DOCK3: variants seen among roughly 807,000 people sequenced by gnomAD.
DOCK3 encodes the protein dedicator of cytokinesis protein 3.
Under a neutral mutation model 265.6 loss-of-function variants are expected in DOCK3, and 60 were observed. The observed-to-expected ratio is 0.23, with a 90% confidence interval of 0.18 to 0.28. DOCK3 has a LOEUF of 0.28. Ranked by LOEUF, DOCK3 falls within the 10% of genes least tolerant of loss-of-function variation. The probability of loss-of-function intolerance (pLI) is 1.00; values close to 1 mark genes in which losing one functional copy is unlikely to be tolerated. For missense variants in DOCK3, 1,981 were observed against 2,594.3 expected (o/e 0.76, Z 5.14); for synonymous variants, 881 against 938.0 (o/e 0.94, Z 1.11).
intron 35 of DOCK3, among the ~76,000 whole-genome samples, chr3:51,336,585 A>G (rs1052737192): frequency 2.0e-5 from 3 of 152,204 alleles, no homozygotes; most frequent in African/African-American, 4.8e-5. Flanking sequence ...CTTCAGAGAA[A>G]GAGCAAGAGG....
intron 4 of DOCK3, among the ~76,000 whole-genome samples, chr3:50,898,382 G>A (rs932769255): frequency 7.3e-5 from 11 of 151,678 alleles, no homozygotes. Flanking sequence ...CTTCTTTATT[G>A]GTCTGGCTAG....
chr3:51,134,994 G>T (rs1224044652), intron 9 of DOCK3, among the ~76,000 whole-genome samples: 3 of 152,084 alleles, frequency 2.0e-5, no homozygotes, highest in Non-Finnish European at 2.9e-5. Context: ...AATGCCTGGT[G>T]CGCAAAAAAA....
Position 50,675,456 on chromosome 3 carries a change from G to T in DOCK3, c.37+156G>T, listed in dbSNP as rs2033874989. Reference sequence around the variant, plus strand: ...GCGGGGTGGGGGCAGGTGCGGGTGCGGGTGCGGGTGCGGGGGTGGGCGCGG... The same window carrying T: ...GCGGGGTGGGGGCAGGTGCGGGTGCTGGTGCGGGTGCGGGGGTGGGCGCGG... On this transcript the variant is annotated intron_variant, in intron 1 of 52. Coordinates refer to ENST00000266037, the MANE Select transcript of DOCK3 (RefSeq NM_004947.5). This position sits in a 1 kb window ranked among gnomAD's most constrained non-coding sequence, Gnocchi z 6.1. Among the ~76,000 whole-genome samples the T allele has an allele frequency of 6.6e-6, 1 of 151,430 alleles. No individual in the cohort carries two copies. The highest frequency in any genetic ancestry group is 2.4e-5 in the African/African-American group (1 of 41,316).
chr3:50,759,460 A>T lies in DOCK3; in HGVS notation c.38-19215A>T, dbSNP rs370324636. Among the ~76,000 whole-genome samples the T allele has an allele frequency of 1.0e-3, 155 of 152,078 alleles. 1 individual carries two copies. Among genetic ancestry groups the T allele is most frequent in the East Asian group, 7.5e-3 (39 of 5,176 alleles). On this transcript the variant is annotated intron_variant, in intron 1 of 52. Coordinates refer to ENST00000266037, the MANE Select transcript of DOCK3 (RefSeq NM_004947.5). Reference sequence around the variant, plus strand: ...ATTTGCATTTCCCTAATGATTAGGGATGTTGAACATCTTTTTATGTGCCTG... The same window carrying T: ...ATTTGCATTTCCCTAATGATTAGGGTTGTTGAACATCTTTTTATGTGCCTG...
At chr3:50,916,603 G>A (rs1026963872) in intron 4 of DOCK3, among the ~76,000 whole-genome samples, 1 of 151,984 alleles carries the variant, frequency 6.6e-6, no homozygotes, top group Non-Finnish European at 1.5e-5. Context: ...GGATCACGAG[G>A]TCAGGAGATC....
Position 51,381,552 on chromosome 3 carries a change from A to C in DOCK3, c.6086A>C (p.Glu2029Ala). 1.3e-6 allele frequency: 2 copies of C among 1,525,972 alleles called. No individual in the cohort carries two copies. The highest frequency in any genetic ancestry group is 2.5e-5 in the South Asian group (2 of 78,432). The allele number at this position is 1,525,972 out of a possible 1,614,324, so 94.5% of individuals were successfully genotyped here. ...ARMAWEHGRG[E>A]Q ...ATGGCCTGGGAGCACGGCCGAGGGGAGCAGTGAGGGGCAACGAGGCGGCTG... is the reference window on the plus strand; with the variant it reads ...ATGGCCTGGGAGCACGGCCGAGGGGCGCAGTGAGGGGCAACGAGGCGGCTG... The change falls in exon 53 of 53, where the codon GAG (glutamate) becomes GCG (alanine). Residue 2029 changes from glutamate to alanine, a missense_variant. Glu to Ala is a moderately radical substitution (Grantham distance 107). Around this residue, in one of 4 missense-constraint regions of DOCK3, gnomAD observed 149 missense variants for 144.7 expected, o/e 1.03. Coordinates refer to ENST00000266037, the MANE Select transcript of DOCK3 (RefSeq NM_004947.5). The surrounding 1 kb of genome is among the most constrained non-coding windows in gnomAD (Gnocchi z 5.6).
intron 5 of DOCK3, among the ~76,000 whole-genome samples, chr3:50,991,261 A>G (rs2078093120): frequency 6.6e-6 from 1 of 152,226 alleles, no homozygotes; most frequent in South Asian, 2.1e-4. Flanking sequence ...CTAACCTTGA[A>G]TGTAAACAGT....
intron 4 of DOCK3, chr3:50,900,771 C>T (rs2049150047): frequency 2.3e-6 from 1 of 439,330 alleles, no homozygotes; most frequent in Non-Finnish European, 4.5e-6. Flanking sequence ...AGGAGGTCCA[C>T]TTCAGACCCT....
At chr3:50,747,365 G>C (rs530042587) in intron 1 of DOCK3, among the ~76,000 whole-genome samples, 2 of 152,058 alleles carry the variant, frequency 1.3e-5, no homozygotes, top group Non-Finnish European at 2.9e-5. Flanking sequence ...TTTTGATTGG[G>C]TTGATTAAAA....
intron 12 of DOCK3, among the ~76,000 whole-genome samples, chr3:51,208,512 T>C (rs1402268362): frequency 6.6e-6 from 1 of 152,338 alleles, no homozygotes; most frequent in East Asian, 1.9e-4. Flanking sequence ...CAACTTTTCA[T>C]GTGGGATAGT....
In DOCK3 at chr3:51,160,643, T is replaced by G. The variant is rs778563257; in HGVS notation, c.978T>G (p.Asp326Glu). Residue 326 changes from aspartate (D) to glutamate (E), a missense_variant, in exon 12 of 53, where the codon GAT (aspartate) becomes GAG (glutamate). This residue lies in a region of DOCK3 where 456 missense variants were observed against 539.0 expected (regional missense o/e 0.85). Transcript: ENST00000266037. Reference sequence around the variant, plus strand: ...GCTGTGCGGTCCTAAGCATCTTGGATGTCCTACAGTCACTCACAGAAGTAA... The same window carrying G: ...GCTGTGCGGTCCTAAGCATCTTGGAGGTCCTACAGTCACTCACAGAAGTAA... ...PYGCAVLSIL[D>E]VLQSLTEVKE... is the part of the protein sequence containing the mutation. The G allele has an allele frequency of 6.2e-6, 10 of 1,613,186 alleles. No homozygotes were observed. Among genetic ancestry groups the G allele is most frequent in the Non-Finnish European group, 8.5e-6 (10 of 1,179,502 alleles).
At chr3:51,143,697 T>C (rs2085170383) in intron 9 of DOCK3, among the ~76,000 whole-genome samples, 2 of 152,248 alleles carry the variant, frequency 1.3e-5, no homozygotes, top group South Asian at 4.1e-4. Context: ...TTTGAATGTT[T>C]ATTCTTATTG....
chr3:51,309,455 G>A (rs1281981999), intron 27 of DOCK3, among the ~76,000 whole-genome samples: 2 of 152,178 alleles, frequency 1.3e-5, no homozygotes, highest in Non-Finnish European at 2.9e-5. Context: ...GTGGCGGCGC[G>A]CGCCTGCAAT....
At chr3:51,317,961 CT>C (rs564793259) in intron 32 of DOCK3, among the ~76,000 whole-genome samples, 80 of 150,672 alleles carry the variant, frequency 5.3e-4, no homozygotes, top group Non-Finnish European at 8.9e-4. Context: ...CAGTTTTGTC[CT>C]TTTTTTTTCA....
At chr3:51,290,858 A>G (rs927063264) in intron 27 of DOCK3, among the ~76,000 whole-genome samples, 4 of 152,168 alleles carry the variant, frequency 2.6e-5, no homozygotes, top group Non-Finnish European at 4.4e-5. Flanking sequence ...AGGTAGGTGG[A>G]TCACAAGGTC....
At chr3:51,334,865 C>G (rs2084759478) in intron 35 of DOCK3, among the ~76,000 whole-genome samples, 1 of 152,184 alleles carries the variant, frequency 6.6e-6, no homozygotes, top group South Asian at 2.1e-4. Context: ...CTACAAGCAG[C>G]TCAAACTCAT....
intron 6 of DOCK3, among the ~76,000 whole-genome samples, chr3:51,068,215 G>A (rs2081677661): frequency 6.6e-6 from 1 of 152,084 alleles, no homozygotes; most frequent in Admixed American, 6.6e-5. Flanking sequence ...GCAAGTACAT[G>A]GTCTCACTTC....
rs1334303409 is a variant in DOCK3 at position 51,227,293 on chromosome 3, G to A, written c.1388G>A (p.Ser463Asn). 6 of 1,613,570 alleles carry A rather than the reference G, an allele frequency of 3.7e-6. No homozygotes were observed. In the South Asian group the frequency reaches 5.5e-5, roughly 15 times the overall value. Residue 463 changes from serine (S) to asparagine (N), a missense_variant, in exon 16 of 53, where the codon AGC (serine) becomes AAC (asparagine). Physicochemically the swap from Ser to Asn is conservative, Grantham distance 46. Around this residue, in one of 4 missense-constraint regions of DOCK3, gnomAD observed 1,357 missense variants for 1,866.8 expected, o/e 0.73. Coordinates refer to ENST00000266037, the MANE Select transcript of DOCK3 (RefSeq NM_004947.5). ...GTTTCTTTCTTCCAGGATTGCATCA[G>A]CTTGGGTTCAGGAGAGCCAAATAGG... ...ADGEILKDCI[S>N]LGSGEPNRSS...
chr3:51,329,265 C>T (rs1233518484), intron 32 of DOCK3, among the ~76,000 whole-genome samples: 1 of 152,116 alleles, frequency 6.6e-6, no homozygotes, highest in East Asian at 1.9e-4. Flanking sequence ...TGGCTGAGAT[C>T]AGGATAAATA....
Sources: allele counts gnomAD v4.1 joint callset (sites outside exome capture counted in the v4.1 genomes callset), GRCh38; gene constraint gnomAD v4.1.1; regional missense constraint gnomAD v4.1.1; non-coding constraint Gnocchi (gnomAD v3.1); transcripts MANE v1.5; gene names NCBI Gene and HGNC (gene_info 2026-07-23, HGNC 2026-07-21).